The following ACSF2 variants were observed in gnomAD, a reference collection of about 807,000 sequenced individuals.
The protein encoded by ACSF2 is medium-chain acyl-CoA ligase ACSF2, mitochondrial.
In ACSF2, 52 loss-of-function variants were observed where a neutral mutation model predicts 79.3. The ratio of observed to expected loss-of-function variants is 0.66; its 90% CI spans 0.53 to 0.83. The LOEUF (loss-of-function observed/expected upper bound fraction) is 0.83, where lower values mean the gene tolerates loss of function less well. ACSF2 is among the 40% of genes least tolerant of loss of function. ACSF2 has a pLI of 0.00. For missense variants in ACSF2, 661 were observed against 803.3 expected (o/e 0.82, Z 2.14); for synonymous variants, 283 against 312.6 (o/e 0.91, Z 1.00).
rs1821190348 is a variant in ACSF2, at chr17:50,463,652, A to T, written c.1046+100A>T. 1.3e-6 allele frequency: 2 copies of T among 1,544,540 alleles called. No individual in the cohort carries two copies. Among genetic ancestry groups the T allele is most frequent in the Admixed American group, 3.6e-5 (2 of 55,916 alleles). ...TCCAAGCTGCCTCCTCCCTCCAGCC[A>T]GGAGACTGAGGATGGGGACAGTGGA... On this transcript the variant is annotated intron_variant, in intron 8 of 15. Coordinates refer to ENST00000300441, the MANE Select transcript of ACSF2 (RefSeq NM_025149.6). The surrounding 1 kb of genome is among the most constrained non-coding windows in gnomAD (Gnocchi z 4.6).
intron 10 of ACSF2, among the ~76,000 whole-genome samples, chr17:50,467,367 G>A (rs1228745976): frequency 1.3e-5 from 2 of 152,232 alleles, no homozygotes; most frequent in African/African-American, 2.4e-5. Context: ...CCTTCACGGA[G>A]CCCATGGGCA....
chr17:50,447,736 CTG>C (rs2031393060), intron 1 of ACSF2, among the ~76,000 whole-genome samples: 1 of 152,250 alleles, frequency 6.6e-6, no homozygotes, highest in Admixed American at 6.5e-5. Context: ...GAGTTCCAGT[CTG>C]TTAGAATCCA....
intron 1 of ACSF2, among the ~76,000 whole-genome samples, chr17:50,453,675 A>G (rs2031812544): frequency 6.6e-6 from 1 of 152,244 alleles, no homozygotes; most frequent in South Asian, 2.1e-4. Context: ...TAACATTGGG[A>G]AAATTTGAAT....
At chr17:50,447,950 C>G (rs2031406501) in intron 1 of ACSF2, among the ~76,000 whole-genome samples, 1 of 152,220 alleles carries the variant, frequency 6.6e-6, no homozygotes, top group African/African-American at 2.4e-5. Context: ...TGAGCTTTCA[C>G]TCTTCAGAGA....
chr17:50,440,184 T>G (rs2030785225), intron 1 of ACSF2, among the ~76,000 whole-genome samples: 1 of 151,904 alleles, frequency 6.6e-6, no homozygotes, highest in Non-Finnish European at 1.5e-5. Flanking sequence ...GGATATTGCT[T>G]TCAATTTAAT....
At chr17:50,457,041 G>T (rs1378890567) in intron 1 of ACSF2, among the ~76,000 whole-genome samples, 1 of 151,990 alleles carries the variant, frequency 6.6e-6, no homozygotes, top group Non-Finnish European at 1.5e-5. Flanking sequence ...CTCTAGCCCA[G>T]TTGACAGAGT....
chr17:50,448,381 C>T (rs2031436969), intron 1 of ACSF2, among the ~76,000 whole-genome samples: 1 of 152,142 alleles, frequency 6.6e-6, no homozygotes, highest in African/African-American at 2.4e-5. Context: ...TTTTAGAGTC[C>T]AGTAGCTGAG....
At chr17:50,457,715 C>A (rs1300942014) in intron 1 of ACSF2, among the ~76,000 whole-genome samples, 1 of 152,172 alleles carries the variant, frequency 6.6e-6, no homozygotes, top group Admixed American at 6.5e-5. Context: ...CTCTTCCTAC[C>A]ACACTATGGC....
Position 50,471,316 on chromosome 17 carries a change from A to G in ACSF2, c.1323+181A>G. 1 of 585,142 alleles carries G rather than the reference A, an allele frequency of 1.7e-6. No individual in the cohort carries two copies. Among genetic ancestry groups the G allele is most frequent in the Non-Finnish European group, 3.1e-6 (1 of 326,358 alleles). The allele number at this position is 585,142 out of a possible 1,614,324, so 36.2% of individuals were successfully genotyped here. A position where few individuals can be genotyped will look rare whatever the true frequency, so the allele number is the denominator to read the frequency against. On this transcript the variant is annotated intron_variant, in intron 11 of 15. Transcript: ENST00000300441. The surrounding 1 kb of genome is among the most constrained non-coding windows in gnomAD (Gnocchi z 4.1). ...AGTGTTCTCTGTGGGCTAAGCATGA[A>G]AGGGGAAGAGCTGGAACAGTGGCTG...
chr17:50,442,323 CAAT>C (rs1463371036), intron 1 of ACSF2, among the ~76,000 whole-genome samples: 1 of 116,134 alleles, frequency 8.6e-6, no homozygotes, highest in African/African-American at 3.5e-5. Flanking sequence ...CAAAACAAAA[CAAT>C]TTTTTTTTTT....
Position 50,468,897 on chromosome 17 carries a change from C to T in ACSF2, c.1216-2131C>T, listed in dbSNP as rs1020472795. The T allele has an allele frequency of 2.5e-5, 36 of 1,431,618 alleles. No individual in the cohort carries two copies. In the African/African-American group the frequency reaches 4.2e-4, roughly 17 times the overall value. The allele number at this position is 1,431,618 out of a possible 1,614,324, so 88.7% of individuals were successfully genotyped here. ...GCGAGTCCTAGGCGCTCGGGTCTGC[C>T]GCCCTCTTTATACGGTGGCCCTGAC... On this transcript the variant is annotated intron_variant, in intron 10 of 15. Transcript: ENST00000300441.
intron 11 of ACSF2, chr17:50,472,158 T>G (rs2033151791): frequency 2.2e-6 from 1 of 456,542 alleles, no homozygotes. Context: ...CCTCTTTCTT[T>G]GCAGCAGCTG....
intron 1 of ACSF2, among the ~76,000 whole-genome samples, chr17:50,444,800 T>C (rs1414646325): frequency 6.6e-6 from 1 of 152,202 alleles, no homozygotes; most frequent in Non-Finnish European, 1.5e-5. Context: ...CTTCCTATGC[T>C]TACTGGCCAT....
intron 10 of ACSF2, chr17:50,466,005 C>T (rs1314762044): frequency 2.3e-6 from 2 of 858,670 alleles, no homozygotes; most frequent in Admixed American, 2.2e-5. Flanking sequence ...GTTTTCAAAG[C>T]AGTATGACCA....
In ACSF2 at chr17:50,471,226, G is replaced by GC; in HGVS notation, c.1323+91_1323+92insC. On this transcript the variant is annotated intron_variant, in intron 11 of 15. Coordinates refer to ENST00000300441, the MANE Select transcript of ACSF2 (RefSeq NM_025149.6). The surrounding 1 kb of genome is among the most constrained non-coding windows in gnomAD (Gnocchi z 4.1). ...GACATCGGTTGCTTTCAGTGAGAGA[G>GC]TCAAATGGCTCACTCAGGATGCCTA... The GC allele has an allele frequency of 9.4e-7, 1 of 1,059,752 alleles. No homozygotes were observed. Among genetic ancestry groups the GC allele is most frequent in the Non-Finnish European group, 1.5e-6 (1 of 689,506 alleles). The allele number at this position is 1,059,752 out of a possible 1,614,324, so 65.6% of individuals were successfully genotyped here.
chr17:50,445,146 C>T (rs574535745), intron 1 of ACSF2, among the ~76,000 whole-genome samples: 8 of 152,264 alleles, frequency 5.3e-5, no homozygotes, highest in South Asian at 4.1e-4. Context: ...AACTCCTGGA[C>T]TCAGGGAATC....
At chr17:50,431,394 T>C (rs1281659615) in intron 1 of ACSF2, among the ~76,000 whole-genome samples, 1 of 152,148 alleles carries the variant, frequency 6.6e-6, no homozygotes, top group Non-Finnish European at 1.5e-5. Context: ...CCATTAAAGA[T>C]GTCAATCAAA....
At position 50,474,093 on chromosome 17, in the gene ACSF2, G is replaced by A; in HGVS notation, c.1728+89G>A. The A allele has an allele frequency of 1.9e-6, 3 of 1,581,190 alleles. No individual in the cohort carries two copies. The highest frequency in any genetic ancestry group is 2.6e-6 in the Non-Finnish European group (3 of 1,155,494). On this transcript the variant is annotated intron_variant, in intron 14 of 15. Coordinates refer to ENST00000300441, the MANE Select transcript of ACSF2 (RefSeq NM_025149.6). The surrounding 1 kb of genome is among the most constrained non-coding windows in gnomAD (Gnocchi z 4.2). ...ACCAGCCCAGGGTGGGGATTGCTCT[G>A]CCCTTGACGAAGCTGACTCCTGGCC... is the stretch of plus-strand genomic sequence containing the variant.
At chr17:50,465,179 T>C (rs557558891) in intron 10 of ACSF2, 2 of 1,268,556 alleles carry the variant, frequency 1.6e-6, no homozygotes, top group East Asian at 2.3e-5. Flanking sequence ...CCTCTCTCTG[T>C]AAAAATGGAG....
Sources: gnomAD v4.1 joint callset for allele counts (sites outside exome capture counted in the v4.1 genomes callset) on GRCh38, gnomAD v4.1.1 for gene constraint, Gnocchi (gnomAD v3.1) non-coding constraint, MANE v1.5 for transcripts, NCBI Gene and HGNC (gene_info 2026-07-23, HGNC 2026-07-21) for gene names.